ZMYM2: variants seen among roughly 807,000 people sequenced by gnomAD.
ZMYM2 encodes zinc finger MYM-type containing 2, also known as zinc finger MYM-type protein 2.
Under a neutral mutation model 162.8 loss-of-function variants are expected in ZMYM2, and 56 were observed. The ratio of observed to expected loss-of-function variants is 0.34; its 90% confidence interval spans 0.28 to 0.43. The LOEUF is 0.43. ZMYM2 is among the 20% of genes least tolerant of loss of function. The probability of loss-of-function intolerance (pLI) is 1.00; values close to 1 mark genes in which losing one functional copy is unlikely to be tolerated. For synonymous variants in ZMYM2, 510 were observed against 541.6 expected (o/e 0.94, Z 0.81); for missense variants, 1,275 against 1,621.8 (o/e 0.79, Z 3.67).
chr13:19,947,273 G>T, the ZMYM2 span, among the ~76,000 whole-genome samples: 1 of 151,886 alleles, frequency 6.6e-6, no homozygotes, highest in African/African-American at 2.4e-5. Context: ...TATTAGCCAG[G>T]ATGGTCTCGA....
the ZMYM2 span, among the ~76,000 whole-genome samples, chr13:19,906,939 T>C: frequency 1.3e-5 from 2 of 152,144 alleles, no homozygotes; most frequent in South Asian, 4.1e-4. Context: ...TTGCCCAGGC[T>C]GGTCTCAAAC....
At chr13:20,046,629 GTGTATATA>G (rs1489547759) in intron 12 of ZMYM2, among the ~76,000 whole-genome samples, 38 of 144,040 alleles carry the variant, frequency 2.6e-4, no homozygotes, top group East Asian at 1.8e-3. Flanking sequence ...GTATATATAT[GTGTATATA>G]TATGTGTACA....
chr13:20,041,775 A>G (rs1269705768), intron 12 of ZMYM2, among the ~76,000 whole-genome samples: 1 of 152,002 alleles, frequency 6.6e-6, no homozygotes, highest in Non-Finnish European at 1.5e-5. Flanking sequence ...TTGTCTGAAA[A>G]GGATCTTATT....
the ZMYM2 span, among the ~76,000 whole-genome samples, chr13:19,889,380 G>T: frequency 2.6e-5 from 4 of 151,902 alleles, no homozygotes; most frequent in Admixed American, 2.0e-4. Flanking sequence ...GCCCAATGGC[G>T]CAATCTTGGC....
chr13:20,063,366 G>A (rs1390604790), intron 18 of ZMYM2, among the ~76,000 whole-genome samples: 1 of 138,692 alleles, frequency 7.2e-6, no homozygotes, highest in African/African-American at 2.8e-5. Context: ...TTGTGCTACT[G>A]CACTCCAGCT....
chr13:20,006,252 T>A (rs1288875179), intron 5 of ZMYM2, 122 bp from the exon 6 acceptor site: 12,662 of 495,828 alleles, frequency 0.026, 92 homozygotes, highest in Admixed American at 0.053. Flanking sequence ...AAAAAAATTT[T>A]TTTTTTCCTT....
intron 4 of ZMYM2, 52 bp from the exon 5 acceptor site, chr13:20,005,022 A>G: frequency 6.8e-7 from 1 of 1,469,666 alleles, no homozygotes; most frequent in Non-Finnish European, 9.3e-7. Context: ...TATGACTCTT[A>G]TATTTGATTT....
chr13:20,019,406 C>T (rs1951888225), intron 6 of ZMYM2, 141 bp from the exon 7 acceptor site: 2 of 639,020 alleles, frequency 3.1e-6, no homozygotes, highest in South Asian at 4.7e-5. Flanking sequence ...ACAGGACAGG[C>T]AGACATTTTT....
chr13:19,918,691 G>T, the ZMYM2 span, among the ~76,000 whole-genome samples: 5 of 151,588 alleles, frequency 3.3e-5, no homozygotes, highest in African/African-American at 1.2e-4. Flanking sequence ...GTAGAGACAG[G>T]TTTCATCATA....
chr13:20,030,137 C>A (rs1030925537), intron 9 of ZMYM2, among the ~76,000 whole-genome samples: 1 of 151,878 alleles, frequency 6.6e-6, no homozygotes, highest in African/African-American at 2.4e-5. Context: ...TAGTAAAATT[C>A]CTCTTATGAA....
chr13:20,023,865 T>G (rs1367302923), intron 7 of ZMYM2, among the ~76,000 whole-genome samples: 2 of 152,202 alleles, frequency 1.3e-5, no homozygotes, highest in Non-Finnish European at 2.9e-5. Context: ...GCGGTAGCTG[T>G]GCAAGTGGCA....
intron 10 of ZMYM2, among the ~76,000 whole-genome samples, chr13:20,032,211 C>T (rs1424034387): frequency 6.6e-6 from 1 of 152,160 alleles, no homozygotes; most frequent in Non-Finnish European, 1.5e-5. Context: ...CTATGAATCC[C>T]ACTACAAGTT....
At position 20,052,297 on chromosome 13, in the gene ZMYM2, C is replaced by G. The variant is rs1283173275; in HGVS notation, c.2479C>G (p.Arg827Gly). The change falls in exon 14 of 25, where the codon CGA becomes GGA. Residue 827 changes from arginine to glycine, a missense_variant. This residue lies in a region of ZMYM2 where 177 missense variants were observed against 228.0 expected (regional missense o/e 0.78). Transcript: ENST00000610343. Reference protein sequence around the residue: ...LHYDQGCQTSRTKMTGSAPPP... With the variant: ...LHYDQGCQTSGTKMTGSAPPP... ...TTTAGATCAGGGTTGTCAGACATCTCGAACCAAAATGACAGTAAGTATTGG... is the reference window on the plus strand; with the variant it reads ...TTTAGATCAGGGTTGTCAGACATCTGGAACCAAAATGACAGTAAGTATTGG... 6.4e-7 allele frequency: 1 copy of G among 1,569,170 alleles called. No homozygotes were observed. Among genetic ancestry groups the G allele is most frequent in the Non-Finnish European group, 8.6e-7 (1 of 1,156,346 alleles).
the ZMYM2 span, among the ~76,000 whole-genome samples, chr13:19,867,307 G>A: frequency 4.0e-5 from 6 of 149,322 alleles, no homozygotes; most frequent in Non-Finnish European, 8.9e-5. Flanking sequence ...CAGAGATCGC[G>A]CCATCGCACT....
At chr13:20,000,718 AGAT>A (rs1217698743) in intron 3 of ZMYM2, among the ~76,000 whole-genome samples, 4 of 152,226 alleles carry the variant, frequency 2.6e-5, no homozygotes, top group Non-Finnish European at 4.4e-5. Flanking sequence ...GCTCTGATGG[AGAT>A]GTACAAGGAG....
Position 20,087,840 on chromosome 13 carries a change from A to G in ZMYM2, c.*1826A>G, listed in dbSNP as rs984790902. The G allele has an allele frequency of 1.6e-5, 3 of 186,638 alleles. No individual in the cohort carries two copies. The highest frequency in any genetic ancestry group is 1.2e-4 in the Admixed American group (2 of 16,122). 11.6% of individuals were successfully genotyped at this position (186,638 alleles called of 1,614,324 possible). ...CAAGTGGGTAACATTTAAAATATAT[A>G]ATACAAAAATTTTCTCTAACTTACC... is the stretch of plus-strand genomic sequence containing the variant. On this transcript the variant is annotated 3_prime_UTR_variant, in exon 25 of 25. Transcript: ENST00000610343.
chr13:19,971,908 G>A (rs73170932), intron 2 of ZMYM2, among the ~76,000 whole-genome samples: 1,936 of 152,188 alleles, frequency 0.013, 17 homozygotes, highest in Non-Finnish European at 0.019. Context: ...GCAGTTTGGC[G>A]TTTTGAAACA....
chr13:19,872,859 C>T, the ZMYM2 span, among the ~76,000 whole-genome samples: 1 of 151,894 alleles, frequency 6.6e-6, no homozygotes, highest in African/African-American at 2.4e-5. Flanking sequence ...ATTAGCTGGG[C>T]ATGGTGGTGC....
At chr13:19,931,125 C>T in the ZMYM2 span, among the ~76,000 whole-genome samples, 135 of 139,232 alleles carry the variant, frequency 9.7e-4, 1 homozygote, top group African/African-American at 2.8e-3. Context: ...GGTGAAAGAG[C>T]GAGACTCTCT....
Sources: allele counts gnomAD v4.1 joint callset (sites outside exome capture counted in the v4.1 genomes callset), GRCh38; gene constraint gnomAD v4.1.1; regional missense constraint gnomAD v4.1.1; transcripts MANE v1.5; gene names NCBI Gene and HGNC (gene_info 2026-07-23, HGNC 2026-07-21).